DUS3L: variants seen among roughly 807,000 people sequenced by gnomAD.
DUS3L encodes dihydrouridine synthase 3 like.
DUS3L carries 62 observed loss-of-function variants against 74.6 expected under a neutral mutation model. That is an observed-to-expected ratio of 0.83 (90% CI 0.68 to 1.03). The LOEUF is 1.03. Among genes scored for constraint, DUS3L ranks in the 50% least tolerant of loss-of-function variants. The pLI is 0.00. For synonymous variants in DUS3L, 433 were observed against 395.7 expected (o/e 1.09, Z -1.12); for missense variants, 884 against 924.4 (o/e 0.96, Z 0.57).
In DUS3L at chr19:5,785,696, A is replaced by G; in HGVS notation, c.1658T>C (p.Phe553Ser). The G allele has an allele frequency of 1.9e-6, 3 of 1,612,558 alleles. No individual in the cohort carries two copies. In the South Asian group the frequency reaches 3.3e-5, roughly 18 times the overall value. ...CCAGTGCTCCAGGCCGTAGTTGGTG[A>G]AGTCCCGCAGGATGTCCAGGCGCTC... Reference protein sequence around the residue: ...SSERLDILRDFTNYGLEHWGS... With the variant: ...SSERLDILRDSTNYGLEHWGS... Residue 553 changes from phenylalanine to serine, a missense_variant, in exon 11 of 13, where the codon TTC (phenylalanine) becomes TCC (serine). Physicochemically the swap from Phe to Ser is radical, Grantham distance 155. Coordinates refer to ENST00000309061, the MANE Select transcript of DUS3L (RefSeq NM_020175.3).
In DUS3L at chr19:5,790,099, T is replaced by G; in HGVS notation, c.335A>C (p.His112Pro). ...CTTGTCGTAGTTCGTGGGCTTCACA[T>G]GGGGCCGGCCCTTGTTTTGTCCCCG... is the stretch of plus-strand genomic sequence containing the variant. Reference protein sequence around the residue: ...RARGQNKGRPHVKPTNYDKNR... With the variant: ...RARGQNKGRPPVKPTNYDKNR... Residue 112 changes from histidine to proline, a missense_variant, in exon 2 of 13, where the codon CAT becomes CCT. Coordinates refer to ENST00000309061, the MANE Select transcript of DUS3L (RefSeq NM_020175.3). 1 of 1,614,138 alleles carries G rather than the reference T, an allele frequency of 6.2e-7. No individual in the cohort carries two copies. Among genetic ancestry groups the G allele is most frequent in the Non-Finnish European group, 8.5e-7 (1 of 1,180,018 alleles).
In DUS3L at chr19:5,785,653, G is replaced by A. The variant is rs150750557; in HGVS notation, c.1701C>T (p.Gly567=). 221 of 1,612,406 alleles carry A rather than the reference G, an allele frequency of 1.4e-4. 1 individual carries two copies. The African/African-American group carries it at 1.5e-3, about 11-fold the overall frequency. The change falls in exon 11 of 13, where the codon GGC becomes GGT. Residue 567 remains glycine, a synonymous_variant. Transcript: ENST00000309061. ...GLEHWGSDTQ[G]VEKTRRFLLE... ...GCAGAAAGCGCCGGGTCTTCTCCAC[G>A]CCCTGCGTGTCCGAGCCCCAGTGCT...
In DUS3L at chr19:5,790,965, C is replaced by T. The variant is rs536180966; in HGVS notation, c.98+79G>A. Reference sequence around the variant, plus strand: ...TTCTCGCCCTCAGCCGCTGCCTAATCTCCCGGCATGCACAGCTCGGACCGC... The same window carrying T: ...TTCTCGCCCTCAGCCGCTGCCTAATTTCCCGGCATGCACAGCTCGGACCGC... On this transcript the variant is annotated intron_variant, in intron 1 of 12. Coordinates refer to ENST00000309061, the MANE Select transcript of DUS3L (RefSeq NM_020175.3). 519 of 1,387,280 alleles carry T rather than the reference C, an allele frequency of 3.7e-4. 5 individuals are homozygous for T. The South Asian group carries it at 4.3e-3, about 11-fold the overall frequency. 85.9% of individuals were successfully genotyped at this position (1,387,280 alleles called of 1,614,324 possible).
At chr19:5,787,530 CTGGGTCAG>C in intron 6 of DUS3L, 51 bp downstream of exon 6, 1 of 1,580,544 alleles carries the variant, frequency 6.3e-7, no homozygotes, top group Non-Finnish European at 8.7e-7. Flanking sequence ...ACATCGCCGG[CTGGGTCAG>C]TGCCTCCCTG....
At position 5,786,847 on chromosome 19, in the gene DUS3L, T is replaced by A. The variant is rs547448922; in HGVS notation, c.1390-2A>T. ...CTGCTCCCGAGAGCGGCCGTGGAGC[T>A]GGGGGAGAAGCCGCCACGCAGGGTA... On this transcript the variant is annotated splice_acceptor_variant, in intron 8 of 12. Coordinates refer to ENST00000309061, the MANE Select transcript of DUS3L (RefSeq NM_020175.3). LOFTEE classifies it high-confidence loss of function. 6.2e-7 allele frequency: 1 copy of A among 1,606,210 alleles called. No homozygotes were observed. Among genetic ancestry groups the A allele is most frequent in the Admixed American group, 1.7e-5 (1 of 59,146 alleles).
In DUS3L at chr19:5,788,180, C is replaced by T. The variant is rs201913182; in HGVS notation, c.943-4G>A. 6 of 1,613,196 alleles carry T rather than the reference C, an allele frequency of 3.7e-6. No individual in the cohort carries two copies. The highest frequency in any genetic ancestry group is 2.2e-5 in the East Asian group (1 of 44,876). ...GTCGGAAGGGCAGGTTCCCACACTG[C>T]GGGGGGAGCAGGACAGACACACATG... On this transcript the variant is annotated splice_region_variant and splice_polypyrimidine_tract_variant and intron_variant, in intron 4 of 12. Transcript: ENST00000309061.
rs1417012210 is a variant in DUS3L, at chr19:5,786,787, T to G, written c.1448A>C (p.Glu483Ala). 2 of 1,612,184 alleles carry G rather than the reference T, an allele frequency of 1.2e-6. No homozygotes were observed. The highest frequency in any genetic ancestry group is 3.3e-5 in the Admixed American group (2 of 59,974). ...GGGGCTGGCGGCCTGCACGCACTCC[T>G]CGATGTACTGCCAGTCGGCTAGCTT... ...YTKLADWQYI[E>A]ECVQAASPMP... is the part of the protein sequence containing the mutation. Residue 483 changes from glutamate (E) to alanine (A), a missense_variant, in exon 9 of 13, where the codon GAG becomes GCG. Transcript: ENST00000309061.
At chr19:5,787,803 C>G in intron 5 of DUS3L, 98 bp from the exon 6 acceptor site, 1 of 1,481,914 alleles carries the variant, frequency 6.7e-7, no homozygotes, top group Non-Finnish European at 9.3e-7. Context: ...GAGCCAGTGG[C>G]CTCCTCTCTC....
intron 1 of DUS3L, 67 bp from the exon 2 acceptor site, chr19:5,790,402 G>A (rs887866608): frequency 8.8e-6 from 14 of 1,584,480 alleles, no homozygotes; most frequent in Admixed American, 3.4e-5. Flanking sequence ...AAGGAGGCTA[G>A]AAACACTTGC....
At chr19:5,786,994 G>A in intron 8 of DUS3L, 67 bp downstream of exon 8, 3 of 1,489,520 alleles carry the variant, frequency 2.0e-6, no homozygotes, top group Non-Finnish European at 2.7e-6. Flanking sequence ...TGGGAGGAGA[G>A]GAGCCATTAG....
At chr19:5,786,082 G>A (rs1443581578) in intron 10 of DUS3L, 1 of 487,218 alleles carries the variant, frequency 2.1e-6, no homozygotes, top group Non-Finnish European at 3.6e-6. Context: ...CTCCCTAGTA[G>A]TTGGGATTAC....
intron 11 of DUS3L, 40 bp downstream of exon 11, chr19:5,785,563 G>A (rs764142755): frequency 1.8e-4 from 287 of 1,569,334 alleles, no homozygotes; most frequent in Non-Finnish European, 2.2e-4. Flanking sequence ...AACCAGCCGC[G>A]GCCCACGCGC....
At chr19:5,788,280 G>T in intron 4 of DUS3L, 77 bp downstream of exon 4, 2 of 1,610,896 alleles carry the variant, frequency 1.2e-6, no homozygotes, top group Middle Eastern at 1.7e-4. Context: ...CCAGTAGGTG[G>T]GGACAGACAC....
At position 5,786,482 on chromosome 19, in the gene DUS3L, C is replaced by T; in HGVS notation, c.1547G>A (p.Gly516Glu). The T allele has an allele frequency of 5.0e-6, 8 of 1,612,944 alleles. No homozygotes were observed. Among genetic ancestry groups the T allele is most frequent in the Non-Finnish European group, 6.8e-6 (8 of 1,179,882 alleles). ...ANRAMQTGVT[G>E]IMIARGALLK... is the part of the protein sequence containing the mutation. ...GGGCACTTACCGGGCAATCATGATC[C>T]CGGTGACACCAGTCTGCATGGCGCG... Residue 516 changes from glycine to glutamate, a missense_variant, in exon 10 of 13, where the codon GGG (glycine) becomes GAG (glutamate). Coordinates refer to ENST00000309061, the MANE Select transcript of DUS3L (RefSeq NM_020175.3).
chr19:5,785,315 C>T (rs750292812), intron 12 of DUS3L, 40 bp from the exon 13 acceptor site: 124 of 1,609,714 alleles, frequency 7.7e-5, no homozygotes, highest in Non-Finnish European at 9.7e-5. Context: ...AGGCCCAGGA[C>T]CTGCAAAGTA....
Position 5,789,739 on chromosome 19 carries a change from C to T in DUS3L, c.388-20G>A. 6.3e-7 allele frequency: 1 copy of T among 1,584,412 alleles called. No individual in the cohort carries two copies. On this transcript the variant is annotated intron_variant, in intron 2 of 12. Transcript: ENST00000309061. ...CGACTCCTGCGAGGAAACAGGGAAG[C>T]AGTGAGGGAGGACAGGGAGACCCCG...
chr19:5,789,439 A>G lies in DUS3L; in HGVS notation c.668T>C (p.Val223Ala). 3 of 1,599,912 alleles carry G rather than the reference A, an allele frequency of 1.9e-6. No homozygotes were observed. The Admixed American group carries it at 5.1e-5, about 27-fold the overall frequency. Residue 223 changes from valine (V) to alanine (A), a missense_variant, in exon 3 of 13, where the codon GTC becomes GCC. Coordinates refer to ENST00000309061, the MANE Select transcript of DUS3L (RefSeq NM_020175.3). The part of the protein sequence containing the change: ...ALQQQLRKRE[V>A]RFERAEQALR... ...GGCCTGCTCAGCTCGCTCGAAGCGG[A>G]CCTCGCGCTTCCGCAGCTGCTGCTG...
chr19:5,785,473 CTCT>C lies in DUS3L; in HGVS notation c.1787_1789del (p.Gln596del). ...GTAGTAGGGCGGCCGCTCGTTGATCCTCTGTGGGAGCCGCTCCAGCAGCCCCAC... is the reference window on the plus strand; with the variant it reads ...GTAGTAGGGCGGCCGCTCGTTGATCCGTGGGAGCCGCTCCAGCAGCCCCAC... On this transcript the variant is annotated inframe_deletion, in exon 12 of 13. Transcript: ENST00000309061. 1 of 1,581,506 alleles carries C rather than the reference CTCT, an allele frequency of 6.3e-7. No individual in the cohort carries two copies. The highest frequency in any genetic ancestry group is 8.6e-7 in the Non-Finnish European group (1 of 1,163,952).
intron 9 of DUS3L, 37 bp downstream of exon 9, chr19:5,786,712 G>A (rs1406311916): frequency 3.7e-6 from 6 of 1,602,712 alleles, no homozygotes; most frequent in African/African-American, 1.3e-5. Context: ...GACCAAGGGT[G>A]GTAGGGGAGA....
Sources: allele counts gnomAD v4.1 joint callset, GRCh38; gene constraint gnomAD v4.1.1; transcripts MANE v1.5; gene names NCBI Gene and HGNC (gene_info 2026-07-23, HGNC 2026-07-21).